The following OXR1 variants were observed in gnomAD, a reference collection of about 807,000 sequenced individuals.
OXR1 encodes oxidation resistance protein 1.
A neutral mutation model predicts 104.6 loss-of-function variants in OXR1; 41 were observed. That is an observed-to-expected ratio of 0.39 (90% confidence interval 0.31 to 0.51). The LOEUF is 0.51. Among genes scored for constraint, OXR1 ranks in the 20% least tolerant of loss-of-function variants. The pLI, the probability that OXR1 is intolerant of heterozygous loss-of-function variation, is 0.77. For missense variants in OXR1, 955 were observed against 1,031.9 expected, an observed-to-expected ratio of 0.93 and a Z score of 1.02; for synonymous variants, 348 against 348.4, an observed-to-expected ratio of 1.00 and a Z score of 0.01.
intron 3 of OXR1, among the ~76,000 whole-genome samples, chr8:106,571,502 G>A (rs546800500): frequency 6.6e-6 from 1 of 152,220 alleles, no homozygotes; most frequent in East Asian, 1.9e-4. Context: ...TTCAACATAT[G>A]AACTGGGTGG....
At chr8:106,306,723 C>T (rs1813479756) in intron 1 of OXR1, among the ~76,000 whole-genome samples, 7 of 152,106 alleles carry the variant, frequency 4.6e-5, no homozygotes, top group Admixed American at 4.6e-4. Context: ...AGAGGAGTTA[C>T]TTATGGGCTA....
intron 3 of OXR1, among the ~76,000 whole-genome samples, chr8:106,556,517 G>T (rs971447292): frequency 2.0e-5 from 3 of 152,166 alleles, no homozygotes; most frequent in Admixed American, 1.3e-4. Context: ...TTGTGTGTGT[G>T]TGAGCTGGGT....
At chr8:106,485,520 G>A (rs182291049) in intron 2 of OXR1, among the ~76,000 whole-genome samples, 1 of 152,084 alleles carries the variant, frequency 6.6e-6, no homozygotes, top group East Asian at 1.9e-4. Flanking sequence ...TCAAGCAAAA[G>A]AAAACTGTTC....
intron 2 of OXR1, among the ~76,000 whole-genome samples, chr8:106,364,122 C>T (rs1036842625): frequency 9.2e-5 from 14 of 151,784 alleles, no homozygotes; most frequent in Admixed American, 7.9e-4. Flanking sequence ...AATAACAAAG[C>T]CTAAGTTGGG....
At chr8:106,336,414 T>C (rs1261407072) in intron 1 of OXR1, among the ~76,000 whole-genome samples, 1 of 152,194 alleles carries the variant, frequency 6.6e-6, no homozygotes, top group African/African-American at 2.4e-5. Context: ...TGGATGATAG[T>C]CTTATGAATC....
intron 2 of OXR1, among the ~76,000 whole-genome samples, chr8:106,467,182 C>T (rs140357548): frequency 6.6e-6 from 1 of 151,890 alleles, no homozygotes; most frequent in Non-Finnish European, 1.5e-5. Context: ...GGTCAGGTCA[C>T]CAGCTGAAAT....
chr8:106,343,461 T>A (rs1444797735), intron 1 of OXR1, among the ~76,000 whole-genome samples: 2 of 152,326 alleles, frequency 1.3e-5, no homozygotes, highest in Admixed American at 6.5e-5. Context: ...ATTGTGTTGG[T>A]TTCAGTCTCA....
At chr8:106,715,706 C>T (rs941007683) in intron 11 of OXR1, among the ~76,000 whole-genome samples, 4 of 151,918 alleles carry the variant, frequency 2.6e-5, no homozygotes, top group Non-Finnish European at 4.4e-5. Context: ...CAGTCATGAA[C>T]GGGAATTGAG....
chr8:106,383,812 A>G (rs988353544), intron 2 of OXR1, among the ~76,000 whole-genome samples: 6 of 152,204 alleles, frequency 3.9e-5, no homozygotes, highest in Non-Finnish European at 7.3e-5. Context: ...GCCTTTAATC[A>G]AAATCATTTT....
At chr8:106,585,458 C>G (rs1818560636) in intron 3 of OXR1, among the ~76,000 whole-genome samples, 2 of 152,098 alleles carry the variant, frequency 1.3e-5, no homozygotes, top group African/African-American at 4.8e-5. Context: ...CTCTTTTCTA[C>G]CTGATTGAAT....
At chr8:106,659,859 C>T (rs746951227) in intron 3 of OXR1, among the ~76,000 whole-genome samples, 2 of 152,208 alleles carry the variant, frequency 1.3e-5, no homozygotes, top group Non-Finnish European at 2.9e-5. Flanking sequence ...CTATATCTGA[C>T]ACCCTCCTTC....
Position 106,752,385 on chromosome 8 carries a change from A to G in OXR1, c.*1444A>G, listed in dbSNP as rs1466701895. ...TTTTGAAAGTTTAGATAATTATTTAAAGAAAGCATAATGCTAATGGAAAAG... is the reference window on the plus strand; with the variant it reads ...TTTTGAAAGTTTAGATAATTATTTAGAGAAAGCATAATGCTAATGGAAAAG... On this transcript the variant is annotated 3_prime_UTR_variant, in exon 17 of 17. Coordinates refer to ENST00000517566, the MANE Select transcript of OXR1 (RefSeq NM_001198533.2). The G allele has an allele frequency of 1.3e-5, 2 of 152,518 alleles. No individual in the cohort carries two copies. The highest frequency in any genetic ancestry group is 4.8e-5 in the African/African-American group (2 of 41,446). The allele number at this position is 152,518 out of a possible 1,614,324, so 9.4% of individuals were successfully genotyped here.
intron 2 of OXR1, among the ~76,000 whole-genome samples, chr8:106,462,054 T>G (rs985694182): frequency 6.6e-6 from 1 of 152,194 alleles, no homozygotes; most frequent in African/African-American, 2.4e-5. Context: ...TTCTAATATG[T>G]TTAAGATGAT....
intron 2 of OXR1, among the ~76,000 whole-genome samples, chr8:106,414,604 T>G (rs1818597171): frequency 6.6e-6 from 1 of 152,146 alleles, no homozygotes; most frequent in African/African-American, 2.4e-5. Flanking sequence ...TGGTAAAGCA[T>G]TGCTCATGTA....
intron 3 of OXR1, among the ~76,000 whole-genome samples, chr8:106,671,983 TAATAATAATAATAATAATAATAAA>T (rs1162076940): frequency 1.4e-5 from 2 of 143,326 alleles, no homozygotes; most frequent in East Asian, 2.2e-4. Context: ...ATAATAATAA[TAATAATAATAATAATAATAATAAA>T]AGGCTGTGAG....
At chr8:106,486,179 C>T (rs1810639618) in intron 2 of OXR1, among the ~76,000 whole-genome samples, 2 of 152,092 alleles carry the variant, frequency 1.3e-5, no homozygotes, top group South Asian at 4.2e-4. Flanking sequence ...TTTAGCCATT[C>T]CACAAGGTAT....
intron 8 of OXR1, among the ~76,000 whole-genome samples, chr8:106,704,623 C>G (rs889695696): frequency 3.3e-5 from 5 of 151,854 alleles, no homozygotes; most frequent in Non-Finnish European, 5.9e-5. Flanking sequence ...GTCTCGAACC[C>G]CTGACCTCAA....
chr8:106,316,776 T>C (rs1480772700), intron 1 of OXR1, among the ~76,000 whole-genome samples: 1 of 140,370 alleles, frequency 7.1e-6, no homozygotes, highest in Non-Finnish European at 1.6e-5. Context: ...ATCTATCTAT[T>C]GCTCGAAAGA....
At chr8:106,276,515 T>C (rs559618852) in intron 1 of OXR1, among the ~76,000 whole-genome samples, 2 of 152,336 alleles carry the variant, frequency 1.3e-5, no homozygotes, top group South Asian at 4.1e-4. Flanking sequence ...TTTATGGAAC[T>C]TTTATTTCTT....
Sources: allele counts gnomAD v4.1 joint callset (sites outside exome capture counted in the v4.1 genomes callset), GRCh38; gene constraint gnomAD v4.1.1; transcripts MANE v1.5; gene names NCBI Gene and HGNC (gene_info 2026-07-23, HGNC 2026-07-21).